NEXMIF: variants seen among roughly 807,000 people sequenced by gnomAD.
NEXMIF encodes the protein neurite extension and migration factor.
A neutral mutation model predicts 62.1 loss-of-function variants in NEXMIF; 8 were observed. The observed-to-expected ratio is 0.13, with a 90% CI of 0.08 to 0.23. NEXMIF has a LOEUF of 0.23. Ranked by LOEUF, NEXMIF falls within the 10% of genes least tolerant of loss-of-function variation. The probability of loss-of-function intolerance (pLI) is 1.00; values close to 1 mark genes in which losing one functional copy is unlikely to be tolerated. For missense variants in NEXMIF, 976 were observed against 1,113.3 expected (o/e 0.88, Z 1.75); for synonymous variants, 404 against 416.6 (o/e 0.97, Z 0.37).
At chrX:74,920,201 A>C (rs2080821892) in intron 1 of NEXMIF, among the ~76,000 whole-genome samples, 1 of 110,773 alleles carries the variant, frequency 9.0e-6, no homozygotes, top group South Asian at 4.0e-4. Flanking sequence ...GAATCGCCAC[A>C]CTGACTTCCA....
At chrX:74,907,337 C>T (rs57793680) in intron 1 of NEXMIF, among the ~76,000 whole-genome samples, 10 of 38,160 alleles carry the variant, frequency 2.6e-4, no homozygotes, top group South Asian at 0.011. Flanking sequence ...CAAGAGCACC[C>T]CCCCCCCCGC....
chrX:74,741,322 G>A lies in NEXMIF; in HGVS notation c.3235C>T (p.Leu1079Phe), dbSNP rs755271076. 8.3e-7 allele frequency: 1 copy of A among 1,209,368 alleles called. No homozygotes were observed. The highest frequency in any genetic ancestry group is 2.2e-5 in the Admixed American group (1 of 45,636). Residue 1079 changes from leucine to phenylalanine, a missense_variant, in exon 3 of 4, where the codon CTT becomes TTT. Physicochemically the swap from Leu to Phe is conservative, Grantham distance 22. This residue lies in a region of NEXMIF where 639 missense variants were observed against 694.5 expected (regional missense o/e 0.92). Transcript: ENST00000055682. ...SEMSPPDTPS[L>F]SPQITRCESM... ...TCACATCTGGTAATTTGAGGGGAAA[G>A]ACTAGGGGTGTCCGGTGGGGACATC...
chrX:74,809,128 C>T (rs1381093109), intron 1 of NEXMIF, among the ~76,000 whole-genome samples: 1 of 111,430 alleles, frequency 9.0e-6, no homozygotes, highest in Non-Finnish European at 1.9e-5. Context: ...TGATCTTGGA[C>T]TTCCCAGCCT....
Position 74,734,860 on chromosome X carries a change from T to A in NEXMIF, c.*4545A>T, listed in dbSNP as rs2080081182. The A allele has an allele frequency of 8.9e-6, 1 of 112,066 alleles. No homozygotes were observed. The highest frequency in any genetic ancestry group is 1.9e-5 in the Non-Finnish European group (1 of 53,174). The allele number at this position is 112,066 out of a possible 1,213,427, so 9.2% of individuals were successfully genotyped here. On this transcript the variant is annotated 3_prime_UTR_variant, in exon 4 of 4. Transcript: ENST00000055682. The stretch of plus-strand genomic sequence containing the variant: ...GCCTTAAAGGGTAGCCTGAGTCCTG[T>A]CATCAAAATAATCACATGCTGGCTG...
Position 74,842,771 on chromosome X carries a change from T to C in NEXMIF, c.-48+82112A>G, listed in dbSNP as rs748259060. On this transcript the variant is annotated intron_variant, in intron 1 of 3. Coordinates refer to ENST00000055682, the MANE Select transcript of NEXMIF (RefSeq NM_001008537.3). ...AGCATGCTGTTTAATTTCCATGTAA[T>C]TGTATGGTTTTGAGCAATTTTCATA... is the stretch of plus-strand genomic sequence containing the variant. 2.7e-5 allele frequency among the ~76,000 whole-genome samples: 3 copies of C among 112,306 alleles called. No homozygotes were observed. The Admixed American group carries it at 2.8e-4, about 11-fold the overall frequency.
rs1052324154 is a variant in NEXMIF, at chrX:74,733,904, G to A, written c.*5501C>T. 3 of 111,923 alleles carry A rather than the reference G, an allele frequency of 2.7e-5. No homozygotes were observed. The highest frequency in any genetic ancestry group is 3.8e-5 in the Non-Finnish European group (2 of 53,112). The allele number at this position is 111,923 out of a possible 1,213,427, so 9.2% of individuals were successfully genotyped here. A position where few individuals can be genotyped will look rare whatever the true frequency, so the allele number is the denominator to read the frequency against. ...AAATATCCTTTTATTAGCACCTAGTGGTGCAGAAAAAGGAAAACTCTCACA... is the reference window on the plus strand; with the variant it reads ...AAATATCCTTTTATTAGCACCTAGTAGTGCAGAAAAAGGAAAACTCTCACA... On this transcript the variant is annotated 3_prime_UTR_variant, in exon 4 of 4. Transcript: ENST00000055682.
At chrX:74,794,451 G>A (rs2147466767) in intron 1 of NEXMIF, among the ~76,000 whole-genome samples, 1 of 111,074 alleles carries the variant, frequency 9.0e-6, no homozygotes, top group African/African-American at 3.3e-5. Flanking sequence ...CCTGCCCCCA[G>A]AGGTGGAGCC....
intron 1 of NEXMIF, among the ~76,000 whole-genome samples, chrX:74,847,163 T>C (rs1402474033): frequency 8.9e-6 from 1 of 111,964 alleles, no homozygotes; most frequent in Non-Finnish European, 1.9e-5. Flanking sequence ...TTTCCAGGAA[T>C]AAGAGGGCAA....
intron 1 of NEXMIF, among the ~76,000 whole-genome samples, chrX:74,833,751 G>T (rs1306096515): frequency 3.6e-5 from 4 of 110,871 alleles, no homozygotes; most frequent in African/African-American, 9.9e-5. Context: ...CATGTTTTTT[G>T]ATTTGAGGTT....
intron 1 of NEXMIF, among the ~76,000 whole-genome samples, chrX:74,848,234 AATGACCTACTCCTCC>A (rs1281982422): frequency 1.8e-5 from 2 of 112,418 alleles, no homozygotes; most frequent in African/African-American, 6.5e-5. Context: ...AATTAACACA[AATGACCTACTCCTCC>A]ATGATAAACA....
chrX:74,827,389 G>T (rs2080422011), intron 1 of NEXMIF, among the ~76,000 whole-genome samples: 1 of 111,651 alleles, frequency 9.0e-6, no homozygotes, highest in African/African-American at 3.3e-5. Context: ...AGCTCCAGCA[G>T]GTGGGCCCAA....
At chrX:74,819,583 A>T (rs1157073668) in intron 1 of NEXMIF, among the ~76,000 whole-genome samples, 1 of 112,439 alleles carries the variant, frequency 8.9e-6, no homozygotes, top group African/African-American at 3.2e-5. Flanking sequence ...AACATCTGAA[A>T]AAAAGCTCAT....
chrX:74,774,967 G>A (rs927348639), intron 1 of NEXMIF, among the ~76,000 whole-genome samples: 4 of 111,660 alleles, frequency 3.6e-5, no homozygotes, highest in Non-Finnish European at 5.6e-5. Flanking sequence ...ATCATTATGT[G>A]CCTAGATCAA....
chrX:74,815,439 G>A (rs2080372922), intron 1 of NEXMIF, among the ~76,000 whole-genome samples: 2 of 110,469 alleles, frequency 1.8e-5, no homozygotes, highest in Non-Finnish European at 3.8e-5. Context: ...TCACATTTGG[G>A]TTAAGGCAAG....
chrX:74,794,540 C>T (rs2080298842), intron 1 of NEXMIF, among the ~76,000 whole-genome samples: 1 of 112,506 alleles, frequency 8.9e-6, no homozygotes, highest in South Asian at 3.7e-4. Flanking sequence ...TTTACCTTAT[C>T]AAGCCTGGGC....
intron 1 of NEXMIF, among the ~76,000 whole-genome samples, chrX:74,912,540 A>G (rs2080793928): frequency 9.0e-6 from 1 of 111,552 alleles, no homozygotes; most frequent in Admixed American, 9.5e-5. Flanking sequence ...TACTGGATCC[A>G]TATTAACCAG....
intron 1 of NEXMIF, among the ~76,000 whole-genome samples, chrX:74,751,006 T>C (rs2080140460): frequency 9.0e-6 from 1 of 111,462 alleles, no homozygotes; most frequent in Non-Finnish European, 1.9e-5. Context: ...GGTGGGCGAA[T>C]TGCTTGAGCT....
chrX:74,911,643 G>A (rs1342230320), intron 1 of NEXMIF, among the ~76,000 whole-genome samples: 1 of 112,197 alleles, frequency 8.9e-6, no homozygotes, highest in Non-Finnish European at 1.9e-5. Context: ...GCCTAACTCT[G>A]AAACTGCTTC....
chrX:74,740,983 A>G lies in NEXMIF; in HGVS notation c.3574T>C (p.Ser1192Pro), dbSNP rs1286509026. 3.3e-6 allele frequency: 4 copies of G among 1,211,414 alleles called. No individual in the cohort carries two copies. Among genetic ancestry groups the G allele is most frequent in the Non-Finnish European group, 3.4e-6 (3 of 895,415 alleles). Residue 1192 changes from serine (S) to proline (P), a missense_variant, in exon 3 of 4, where the codon TCT (serine) becomes CCT (proline). Physicochemically the swap from Ser to Pro is moderately conservative, Grantham distance 74. Transcript: ENST00000055682. ...SKSGAMNQSS[S>P]QKNTRKKSLK... is the part of the protein sequence containing the mutation. ...GATTTTTTCCTGGTGTTTTTCTGAGAAGAGCTTTGGTTCATAGCCCCACTC... is the reference window on the plus strand; with the variant it reads ...GATTTTTTCCTGGTGTTTTTCTGAGGAGAGCTTTGGTTCATAGCCCCACTC...
Sources: allele counts gnomAD v4.1 joint callset (sites outside exome capture counted in the v4.1 genomes callset), GRCh38; gene constraint gnomAD v4.1.1; regional missense constraint gnomAD v4.1.1; transcripts MANE v1.5; gene names NCBI Gene and HGNC (gene_info 2026-07-23, HGNC 2026-07-21).